TENM4: variants seen among roughly 807,000 people sequenced by gnomAD.
TENM4 encodes teneurin transmembrane protein 4.
TENM4 carries 82 observed loss-of-function variants against 243.3 expected under a neutral mutation model. That is an observed-to-expected ratio of 0.34 (90% CI 0.28 to 0.40). The LOEUF is 0.40. Among genes scored for constraint, TENM4 ranks in the 10% least tolerant of loss-of-function variants. TENM4 has a pLI of 1.00. For missense variants in TENM4, 3,138 were observed against 3,673.3 expected, an observed-to-expected ratio of 0.85 and a Z score of 3.77; for synonymous variants, 1,412 against 1,456.3, an observed-to-expected ratio of 0.97 and a Z score of 0.69.
At chr11:79,054,809 A>G (rs1859899418) in intron 6 of TENM4, among the ~76,000 whole-genome samples, 1 of 152,092 alleles carries the variant, frequency 6.6e-6, no homozygotes, top group African/African-American at 2.4e-5. Flanking sequence ...ATTTTACATG[A>G]CAGTTGACTG....
intron 18 of TENM4, among the ~76,000 whole-genome samples, chr11:78,761,229 T>C (rs1253626907): frequency 1.3e-5 from 2 of 152,004 alleles, no homozygotes; most frequent in Non-Finnish European, 2.9e-5. Flanking sequence ...CCAGGGTGGT[T>C]TTCTTTTTTT....
intron 25 of TENM4, among the ~76,000 whole-genome samples, chr11:78,714,602 T>C (rs1373506489): frequency 2.0e-5 from 3 of 152,218 alleles, no homozygotes; most frequent in Non-Finnish European, 2.9e-5. Context: ...CAAGGATTCC[T>C]TAATTCTTAC....
chr11:79,112,911 C>T (rs1209479633), intron 4 of TENM4, among the ~76,000 whole-genome samples: 2 of 152,170 alleles, frequency 1.3e-5, no homozygotes, highest in Non-Finnish European at 2.9e-5. Flanking sequence ...ACCAACAAGC[C>T]GTTCATATTG....
At chr11:79,322,203 C>T (rs1856902322) in intron 1 of TENM4, among the ~76,000 whole-genome samples, 1 of 152,088 alleles carries the variant, frequency 6.6e-6, no homozygotes, top group Non-Finnish European at 1.5e-5. Context: ...TTACTCTTCC[C>T]TTCAGCTTTT....
chr11:79,047,133 C>T (rs1859678028), intron 6 of TENM4, among the ~76,000 whole-genome samples: 2 of 152,242 alleles, frequency 1.3e-5, no homozygotes, highest in Admixed American at 6.5e-5. Flanking sequence ...AACGGCAAAA[C>T]CCGCAATTAC....
At chr11:79,380,532 T>G (rs1011167640) in intron 1 of TENM4, among the ~76,000 whole-genome samples, 4 of 152,222 alleles carry the variant, frequency 2.6e-5, no homozygotes, top group African/African-American at 9.6e-5. Context: ...AGGATGTTAA[T>G]AAGCATTAAC....
intron 4 of TENM4, among the ~76,000 whole-genome samples, chr11:79,125,620 A>C (rs1051883648): frequency 6.6e-6 from 1 of 152,128 alleles, no homozygotes; most frequent in Non-Finnish European, 1.5e-5. Flanking sequence ...AACTCTGATG[A>C]ACTTTTTTGC....
chr11:78,966,918 T>G (rs1857449805), intron 6 of TENM4, among the ~76,000 whole-genome samples: 1 of 152,116 alleles, frequency 6.6e-6, no homozygotes. Flanking sequence ...TCTAGGGCAC[T>G]TTTTGCATTA....
Position 78,657,225 on chromosome 11 carries a change from G to A in TENM4, c.*833C>T. The A allele has an allele frequency of 2.5e-6, 1 of 398,734 alleles. No homozygotes were observed. The highest frequency in any genetic ancestry group is 4.4e-6 in the Non-Finnish European group (1 of 226,188). 24.7% of individuals were successfully genotyped at this position (398,734 alleles called of 1,614,324 possible). ...CATCATGGAGGACCAACCAATCACAGGCATCCTGGGTGCTTTCCCTCCCGG... is the reference window on the plus strand; with the variant it reads ...CATCATGGAGGACCAACCAATCACAAGCATCCTGGGTGCTTTCCCTCCCGG... On this transcript the variant is annotated 3_prime_UTR_variant, in exon 34 of 34. Transcript: ENST00000278550.
chr11:78,786,852 G>A (rs1409634555), intron 16 of TENM4, 46 bp downstream of exon 16: 1 of 1,566,942 alleles, frequency 6.4e-7, no homozygotes, highest in Admixed American at 1.8e-5. Flanking sequence ...AGACAAAGAT[G>A]TCCTGCAGAC....
At chr11:79,055,127 C>CA (rs34101530) in intron 6 of TENM4, among the ~76,000 whole-genome samples, 69,841 of 134,412 alleles carry the variant, frequency 0.52, 20,035 homozygotes, top group Non-Finnish European at 0.67. Context: ...AACTCCATCT[C>CA]AAAAAAAAAA....
chr11:79,023,633 TC>T (rs996780728), intron 6 of TENM4, among the ~76,000 whole-genome samples: 2 of 151,974 alleles, frequency 1.3e-5, no homozygotes, highest in African/African-American at 4.8e-5. Flanking sequence ...ATTTTTCAGC[TC>T]CTATAAGCTA....
chr11:79,273,989 G>A (rs1856011894), intron 2 of TENM4, among the ~76,000 whole-genome samples: 1 of 152,196 alleles, frequency 6.6e-6, no homozygotes, highest in Non-Finnish European at 1.5e-5. Context: ...AAGAATGCTG[G>A]CCTCCTCCTC....
intron 15 of TENM4, among the ~76,000 whole-genome samples, chr11:78,801,908 C>T (rs1475013979): frequency 1.3e-5 from 2 of 152,164 alleles, no homozygotes; most frequent in Non-Finnish European, 2.9e-5. Flanking sequence ...GTGAGCTGTG[C>T]CAGATACTAC....
At chr11:79,309,427 C>T (rs1856682111) in intron 1 of TENM4, among the ~76,000 whole-genome samples, 1 of 152,160 alleles carries the variant, frequency 6.6e-6, no homozygotes, top group African/African-American at 2.4e-5. Flanking sequence ...TGATAGCCAC[C>T]AAGGCCTCCC....
chr11:79,367,582 G>GA (rs1293286342), intron 1 of TENM4, among the ~76,000 whole-genome samples: 1 of 152,098 alleles, frequency 6.6e-6, no homozygotes, highest in Non-Finnish European at 1.5e-5. Flanking sequence ...CTTGTGAAAG[G>GA]AAAAAATATA....
chr11:79,083,012 C>T (rs1238318552), intron 4 of TENM4, among the ~76,000 whole-genome samples: 1 of 151,474 alleles, frequency 6.6e-6, no homozygotes, highest in Non-Finnish European at 1.5e-5. Flanking sequence ...GCCAGTCTCT[C>T]ATGGAGCTAA....
chr11:79,399,493 G>C (rs1858412286), intron 1 of TENM4, among the ~76,000 whole-genome samples: 1 of 152,176 alleles, frequency 6.6e-6, no homozygotes, highest in Non-Finnish European at 1.5e-5. Flanking sequence ...TGATTGTTTG[G>C]AATTTGAGAG....
In TENM4 at chr11:78,655,136, CAGG is replaced by C. The variant is rs1279911733; in HGVS notation, c.*2919_*2921del. Reference sequence around the variant, plus strand: ...ATGGGTTTGTGACTGCTGGTCTTAGCAGGAGGACAGCTTGAGGAGGGAGTCACT... The same window carrying C: ...ATGGGTTTGTGACTGCTGGTCTTAGCAGGACAGCTTGAGGAGGGAGTCACT... On this transcript the variant is annotated 3_prime_UTR_variant, in exon 34 of 34. Coordinates refer to ENST00000278550, the MANE Select transcript of TENM4 (RefSeq NM_001098816.3). 6.6e-6 allele frequency: 1 copy of C among 152,228 alleles called. No individual in the cohort carries two copies. Among genetic ancestry groups the C allele is most frequent in the Non-Finnish European group, 1.5e-5 (1 of 68,108 alleles). The allele number at this position is 152,228 out of a possible 1,614,324, so 9.4% of individuals were successfully genotyped here. A position where few individuals can be genotyped will look rare whatever the true frequency, so the allele number is the denominator to read the frequency against.
Sources: gnomAD v4.1 joint callset for allele counts (sites outside exome capture counted in the v4.1 genomes callset) on GRCh38, gnomAD v4.1.1 for gene constraint, MANE v1.5 for transcripts, NCBI Gene and HGNC (gene_info 2026-07-23, HGNC 2026-07-21) for gene names.